Variants in NLRP5 observed in about 807,000 individuals in gnomAD.
The protein encoded by NLRP5 is NLR family pyrin domain containing 5.
In NLRP5, 93 loss-of-function variants were observed where a neutral mutation model predicts 113.1. The ratio of observed to expected loss-of-function variants is 0.82; its 90% CI spans 0.70 to 0.98. The LOEUF is 0.98. Among genes scored for constraint, NLRP5 ranks in the 50% least tolerant of loss-of-function variants. NLRP5 has a pLI of 0.00. For missense variants in NLRP5, 1,808 were observed against 1,514.3 expected (o/e 1.19, Z -3.22); for synonymous variants, 751 against 600.7 (o/e 1.25, Z -3.66).
chr19:56,032,573 C>T, intron 7 of NLRP5, 38 bp from the exon 8 acceptor site: 11 of 1,575,066 alleles, frequency 7.0e-6, no homozygotes, highest in Non-Finnish European at 9.6e-6. Context: ...TGTTAAACTC[C>T]ATCCCATGAG....
rs775248829 is a variant in NLRP5, at chr19:56,033,543, T to C, written c.2449T>C (p.Phe817Leu). Residue 817 changes from phenylalanine to leucine, a missense_variant and splice_region_variant, in exon 9 of 15, where the codon TTT (phenylalanine) becomes CTT (leucine). Phe to Leu is a conservative substitution (Grantham distance 22). Transcript: ENST00000390649. ...TGTGTCTCCCCTTCCCCATTGCAGG[T>C]TTAGAAATGCACAGATTACCCCTGG... 1.9e-6 allele frequency: 3 copies of C among 1,610,590 alleles called. No individual in the cohort carries two copies. Among genetic ancestry groups the C allele is most frequent in the Non-Finnish European group, 2.5e-6 (3 of 1,178,206 alleles).
chr19:56,054,066 C>T (rs1000177311), intron 13 of NLRP5, among the ~76,000 whole-genome samples: 4 of 152,102 alleles, frequency 2.6e-5, no homozygotes, highest in Non-Finnish European at 4.4e-5. Flanking sequence ...ACGACCCCTG[C>T]GTGCTAGTCC....
At chr19:56,013,714 G>A (rs1230182548) in intron 3 of NLRP5, among the ~76,000 whole-genome samples, 4 of 150,178 alleles carry the variant, frequency 2.7e-5, no homozygotes, top group Admixed American at 6.7e-5. Flanking sequence ...GGAAGTGGTG[G>A]GTCATATGGC....
At chr19:56,035,830 G>C (rs1983289847) in intron 9 of NLRP5, among the ~76,000 whole-genome samples, 1 of 152,088 alleles carries the variant, frequency 6.6e-6, no homozygotes, top group African/African-American at 2.4e-5. Context: ...TTTGACATTG[G>C]AAGATGGATT....
Position 56,025,402 on chromosome 19 carries a change from C to CTCTT in NLRP5, c.680-1508_680-1507insTTCT, listed in dbSNP as rs1431790639. Reference sequence around the variant, plus strand: ...CGTGCTCCGTTCTCTCTCTCTCTCTCTCTGTCTCTCTGTTTTTTTTTGAGA... The same window carrying CTCTT: ...CGTGCTCCGTTCTCTCTCTCTCTCTCTCTTTCTGTCTCTCTGTTTTTTTTTGAGA... On this transcript the variant is annotated intron_variant, in intron 6 of 14. Coordinates refer to ENST00000390649, the MANE Select transcript of NLRP5 (RefSeq NM_153447.4). Among the ~76,000 whole-genome samples the CTCTT allele has an allele frequency of 3.3e-5, 5 of 151,764 alleles. No homozygotes were observed. In the East Asian group the frequency reaches 7.8e-4, roughly 24 times the overall value.
intron 6 of NLRP5, 42 bp downstream of exon 6, chr19:56,020,473 A>C: frequency 3.1e-6 from 5 of 1,589,012 alleles, no homozygotes; most frequent in Non-Finnish European, 4.3e-6. Context: ...CTCCTGGAAG[A>C]AAGTTGGGTG....
At chr19:55,987,718 C>A in the NLRP5 span, 1 of 861,564 alleles carries the variant, frequency 1.2e-6, no homozygotes, top group Non-Finnish European at 2.0e-6. Context: ...GGGGTACGGT[C>A]TGTAGAAAAA....
chr19:56,005,107 A>AAAT lies in NLRP5; in HGVS notation c.442+1013_442+1014insATA, dbSNP rs1173746273. Among the ~76,000 whole-genome samples the AAAT allele has an allele frequency of 1.8e-3, 170 of 95,326 alleles. 4 individuals are homozygous for AAAT. Among genetic ancestry groups the AAAT allele is most frequent in the African/African-American group, 5.9e-3 (153 of 25,816 alleles). The allele number at this position is 95,326 out of a possible 152,430, so 62.5% of individuals were successfully genotyped here. A position where few individuals can be genotyped will look rare whatever the true frequency, so the allele number is the denominator to read the frequency against. ...AGACTGTGTCTCAAAAAAAAAAAAA[A>AAAT]ATATATATATATATATATAATATAT... On this transcript the variant is annotated intron_variant, in intron 2 of 14. Coordinates refer to ENST00000390649, the MANE Select transcript of NLRP5 (RefSeq NM_153447.4).
At chr19:55,999,583 T>A, upstream of NLRP5, 1 of 679,252 alleles carries the variant, frequency 1.5e-6, no homozygotes, top group East Asian at 2.6e-5. Flanking sequence ...CCATGCATGC[T>A]CTGTGCCAGC....
intron 11 of NLRP5, among the ~76,000 whole-genome samples, chr19:56,047,788 T>A (rs1372845219): frequency 2.0e-5 from 3 of 152,188 alleles, no homozygotes; most frequent in African/African-American, 7.2e-5. Flanking sequence ...TGACTTTCTG[T>A]CTTCATGACC....
At chr19:56,047,920 T>C (rs959491115) in intron 11 of NLRP5, among the ~76,000 whole-genome samples, 3 of 152,204 alleles carry the variant, frequency 2.0e-5, no homozygotes, top group African/African-American at 7.2e-5. Context: ...TAGGCACATG[T>C]ATGTTTAGAA....
rs368914781 is a variant in NLRP5, at chr19:56,028,334, C to A, written c.2101C>A (p.Arg701Ser). ...CGAGACTCAAGACAAAGAGTTTGTT[C>A]GCTTGGCATTAAACAGCTTCCAAGA... is the stretch of plus-strand genomic sequence containing the variant. The change falls in exon 7 of 15, where the codon CGC becomes AGC. Residue 701 changes from arginine (R) to serine (S), a missense_variant. By Grantham distance (110) the Arg-to-Ser change is moderately radical (BLOSUM62 -1). Coordinates refer to ENST00000390649, the MANE Select transcript of NLRP5 (RefSeq NM_153447.4). The A allele has an allele frequency of 1.2e-6, 2 of 1,613,982 alleles. No individual in the cohort carries two copies. Among genetic ancestry groups the A allele is most frequent in the Non-Finnish European group, 1.7e-6 (2 of 1,179,898 alleles).
intron 10 of NLRP5, among the ~76,000 whole-genome samples, chr19:56,039,609 C>G (rs1403371176): frequency 6.6e-6 from 1 of 152,166 alleles, no homozygotes; most frequent in Non-Finnish European, 1.5e-5. Flanking sequence ...CACTTCAGTG[C>G]TACATAAAAA....
At chr19:56,055,765 T>C (rs1197342498) in intron 13 of NLRP5, among the ~76,000 whole-genome samples, 1 of 151,644 alleles carries the variant, frequency 6.6e-6, no homozygotes, top group South Asian at 2.1e-4. Flanking sequence ...CAGGATGGTC[T>C]CAATCTCCTG....
At chr19:56,001,440 T>C (rs1163651388) in intron 1 of NLRP5, among the ~76,000 whole-genome samples, 1 of 33,830 alleles carries the variant, frequency 3.0e-5, no homozygotes, top group Non-Finnish European at 6.4e-5. Context: ...CTTCTGACTC[T>C]CCTAATTACT....
At chr19:56,036,042 T>C (rs1453828684) in intron 9 of NLRP5, among the ~76,000 whole-genome samples, 1 of 149,622 alleles carries the variant, frequency 6.7e-6, no homozygotes, top group Non-Finnish European at 1.5e-5. Context: ...GACATGCTGA[T>C]GAATGAATTG....
At chr19:56,004,171 G>T in intron 2 of NLRP5, 76 bp downstream of exon 2, 1 of 1,453,916 alleles carries the variant, frequency 6.9e-7, no homozygotes, top group African/African-American at 1.4e-5. Flanking sequence ...GGGAAGAATC[G>T]TTGTTCAGTA....
At chr19:56,009,358 A>AAAAAG (rs1271381720) in intron 3 of NLRP5, among the ~76,000 whole-genome samples, 2 of 149,972 alleles carry the variant, frequency 1.3e-5, no homozygotes, top group Non-Finnish European at 3.0e-5. Context: ...AAAAAAAAAA[A>AAAAAG]AGAGTTCTGT....
intron 9 of NLRP5, among the ~76,000 whole-genome samples, chr19:56,035,046 C>G (rs1035290472): frequency 1.2e-4 from 18 of 152,198 alleles, no homozygotes; most frequent in African/African-American, 4.3e-4. Context: ...TCAGGCAATT[C>G]TCCTGCCTCA....
Sources: allele counts gnomAD v4.1 joint callset (sites outside exome capture counted in the v4.1 genomes callset), GRCh38; gene constraint gnomAD v4.1.1; transcripts MANE v1.5; gene names NCBI Gene and HGNC (gene_info 2026-07-23, HGNC 2026-07-21).